Variants in ANKH observed in about 807,000 individuals in gnomAD.
ANKH encodes mineralization regulator ANKH.
A neutral mutation model predicts 49.0 loss-of-function variants in ANKH; 15 were observed. That is an observed-to-expected ratio of 0.31 (90% confidence interval 0.20 to 0.47). The LOEUF (loss-of-function observed/expected upper bound fraction) is 0.47. Among genes scored for constraint, ANKH ranks in the 20% least tolerant of loss-of-function variants. The pLI is 1.00. For missense variants in ANKH, 429 were observed against 652.0 expected (o/e 0.66, Z 3.72); for synonymous variants, 273 against 260.0 (o/e 1.05, Z -0.48).
At chr5:14,852,776 T>C (rs1369152912) in intron 1 of ANKH, among the ~76,000 whole-genome samples, 1 of 152,202 alleles carries the variant, frequency 6.6e-6, no homozygotes, top group East Asian at 1.9e-4. Flanking sequence ...ACTGGAAGAA[T>C]GCACAGTATC....
chr5:14,818,264 G>C (rs945157729), intron 1 of ANKH, among the ~76,000 whole-genome samples: 1 of 152,002 alleles, frequency 6.6e-6, no homozygotes, highest in African/African-American at 2.4e-5. Context: ...CTCTCCAGCA[G>C]GATCAGTAGG....
intron 1 of ANKH, among the ~76,000 whole-genome samples, chr5:14,827,833 A>T (rs575813863): frequency 6.6e-6 from 1 of 152,100 alleles, no homozygotes; most frequent in Non-Finnish European, 1.5e-5. Flanking sequence ...TTTCTCTCAG[A>T]TTATCTTTTA....
At chr5:14,731,580 G>C (rs529632612) in intron 8 of ANKH, among the ~76,000 whole-genome samples, 1 of 152,192 alleles carries the variant, frequency 6.6e-6, no homozygotes. Flanking sequence ...ACTGACAAGA[G>C]GGAGAAAAGC....
chr5:14,745,024 T>TC lies in ANKH; in HGVS notation c.915+845dup, dbSNP rs1314074383. 6.6e-6 allele frequency among the ~76,000 whole-genome samples: 1 copy of TC among 152,172 alleles called. No homozygotes were observed. The highest frequency in any genetic ancestry group is 1.9e-4 in the East Asian group (1 of 5,182). ...TGTGGACACCCCTGGCCAGGAGGCT[T>TC]CCTCTCCTCACTTCACAGGCTCTGG... On this transcript the variant is annotated intron_variant, in intron 7 of 11. Transcript: ENST00000284268. This position sits in a 1 kb window ranked among gnomAD's most constrained non-coding sequence, Gnocchi z 4.7.
At chr5:14,719,003 T>C (rs1737579252) in intron 8 of ANKH, among the ~76,000 whole-genome samples, 1 of 151,228 alleles carries the variant, frequency 6.6e-6, no homozygotes. Context: ...AACACCCAAA[T>C]AATAGGAGTT....
chr5:14,768,127 T>C (rs1490084792), intron 2 of ANKH: 1 of 152,232 alleles, frequency 6.6e-6, no homozygotes, highest in Non-Finnish European at 1.5e-5. Context: ...GAGTAAGCAT[T>C]AGCTGCCATG....
In ANKH at chr5:14,797,684, A is replaced by T. The variant is rs1691093527; in HGVS notation, c.97-28493T>A. On this transcript the variant is annotated intron_variant, in intron 1 of 11. Transcript: ENST00000284268. ...CAGCAACTGACCCAAACAGAGACTC[A>T]CAGAGTAGATGCCAGGAAACATCTT... 35 of 1,598,558 alleles carry T rather than the reference A, an allele frequency of 2.2e-5. No homozygotes were observed. In the South Asian group the frequency reaches 3.9e-4, roughly 18 times the overall value.
rs1431781176 is a variant in ANKH at position 14,711,230 on chromosome 5, T to TG, written c.1445dup (p.Asp483ArgfsTer10). The TG allele has an allele frequency of 6.2e-7, 1 of 1,614,156 alleles. No individual in the cohort carries two copies. Among genetic ancestry groups the TG allele is most frequent in the Non-Finnish European group, 8.5e-7 (1 of 1,180,014 alleles). ...TCTCCTCTCTCATTTCCACGATGTC[T>TG]GTCACCTCCTCTGTCGGAGGCATGT... is the stretch of plus-strand genomic sequence containing the variant. On this transcript the variant is annotated frameshift_variant, in exon 12 of 12. Transcript: ENST00000284268. LOFTEE classifies it high-confidence loss of function.
intron 1 of ANKH, among the ~76,000 whole-genome samples, chr5:14,785,399 A>G (rs956541183): frequency 3.9e-5 from 6 of 152,038 alleles, no homozygotes; most frequent in Non-Finnish European, 7.4e-5. Flanking sequence ...GATTGTTTAA[A>G]AGTCTGGGAC....
chr5:14,814,729 C>T (rs1244687445), intron 1 of ANKH, among the ~76,000 whole-genome samples: 2 of 152,200 alleles, frequency 1.3e-5, no homozygotes, highest in Admixed American at 6.5e-5. Flanking sequence ...TTATGGCATT[C>T]CTCGACTCAG....
In ANKH at chr5:14,710,083, C is replaced by G. The variant is rs1045009753; in HGVS notation, c.*1114G>C. The G allele has an allele frequency of 6.6e-6, 1 of 152,116 alleles. No homozygotes were observed. Among genetic ancestry groups the G allele is most frequent in the Admixed American group, 6.5e-5 (1 of 15,280 alleles). The allele number at this position is 152,116 out of a possible 1,614,324, so 9.4% of individuals were successfully genotyped here. On this transcript the variant is annotated 3_prime_UTR_variant, in exon 12 of 12. Coordinates refer to ENST00000284268, the MANE Select transcript of ANKH (RefSeq NM_054027.6). ...TATTTCAGGGAGGACCACATAGTGACTCTGGTATCGTTATAAAATGTCTTG... is the reference window on the plus strand; with the variant it reads ...TATTTCAGGGAGGACCACATAGTGAGTCTGGTATCGTTATAAAATGTCTTG...
intron 8 of ANKH, among the ~76,000 whole-genome samples, chr5:14,729,001 A>T (rs1487679737): frequency 1.3e-5 from 2 of 152,166 alleles, no homozygotes; most frequent in Non-Finnish European, 2.9e-5. Flanking sequence ...GGAGGAGCCC[A>T]TCCTGACCTG....
At position 14,713,199 on chromosome 5, in the gene ANKH, C is replaced by T. The variant is rs1000473929; in HGVS notation, c.1266-226G>A. Among the ~76,000 whole-genome samples the T allele has an allele frequency of 5.3e-5, 8 of 152,198 alleles. No individual in the cohort carries two copies. Among genetic ancestry groups the T allele is most frequent in the African/African-American group, 1.9e-4 (8 of 41,450 alleles). On this transcript the variant is annotated intron_variant, in intron 10 of 11. Coordinates refer to ENST00000284268, the MANE Select transcript of ANKH (RefSeq NM_054027.6). This position sits in a 1 kb window ranked among gnomAD's most constrained non-coding sequence, Gnocchi z 4.4. ...CCCACAGCACATGGATCCCACAGCCCTTCCCACCCTCCCCAGGACGCTGGG... is the reference window on the plus strand; with the variant it reads ...CCCACAGCACATGGATCCCACAGCCTTTCCCACCCTCCCCAGGACGCTGGG...
At chr5:14,771,921 GAAA>G (rs869185652) in intron 1 of ANKH, among the ~76,000 whole-genome samples, 1 of 53,384 alleles carries the variant, frequency 1.9e-5, no homozygotes, top group Non-Finnish European at 3.8e-5. Flanking sequence ...CTCAAAAAAA[GAAA>G]AAAAAAAAAA....
chr5:14,781,951 C>T (rs189080440), intron 1 of ANKH, among the ~76,000 whole-genome samples: 29 of 152,260 alleles, frequency 1.9e-4, no homozygotes, highest in African/African-American at 5.3e-4. Context: ...TACAGGTTTA[C>T]GTCTGGGATC....
At chr5:14,838,300 G>T (rs1580107776) in intron 1 of ANKH, among the ~76,000 whole-genome samples, 1 of 151,132 alleles carries the variant, frequency 6.6e-6, no homozygotes, top group Admixed American at 6.6e-5. Context: ...ACGAGTTAAT[G>T]GGTGCAGCAC....
At chr5:14,795,773 A>G (rs31987) in intron 1 of ANKH, among the ~76,000 whole-genome samples, 74,691 of 151,810 alleles carry the variant, frequency 0.49, 18,642 homozygotes, top group East Asian at 0.75. Flanking sequence ...CACAAGGATC[A>G]GTTGAACCTG....
At position 14,774,922 on chromosome 5, in the gene ANKH, C is replaced by CA. The variant is rs957673411; in HGVS notation, c.97-5732dup. On this transcript the variant is annotated intron_variant, in intron 1 of 11. Coordinates refer to ENST00000284268, the MANE Select transcript of ANKH (RefSeq NM_054027.6). ...CATTTACTGTGATATGTACTGAAGA[C>CA]AAAAAAAAAATACATAGGTGCCCCT... is the stretch of plus-strand genomic sequence containing the variant. 6.3e-4 allele frequency among the ~76,000 whole-genome samples: 92 copies of CA among 146,614 alleles called. 1 individual carries two copies. Among genetic ancestry groups the CA allele is most frequent in the Middle Eastern group, 6.9e-3 (2 of 288 alleles).
chr5:14,755,049 G>A (rs896977466), intron 4 of ANKH, among the ~76,000 whole-genome samples: 1 of 128,246 alleles, frequency 7.8e-6, no homozygotes, highest in Admixed American at 8.5e-5. Flanking sequence ...CGACAAGAGC[G>A]AAACTCTGTC....
Sources: allele counts gnomAD v4.1 joint callset (sites outside exome capture counted in the v4.1 genomes callset), GRCh38; gene constraint gnomAD v4.1.1; non-coding constraint Gnocchi (gnomAD v3.1); transcripts MANE v1.5; gene names NCBI Gene and HGNC (gene_info 2026-07-23, HGNC 2026-07-21).